The following CARD14 variants were observed in gnomAD, a reference collection of about 807,000 sequenced individuals.
CARD14 encodes caspase recruitment domain family member 14.
CARD14 carries 107 observed loss-of-function variants against 111.5 expected under a neutral mutation model. The observed-to-expected ratio is 0.96, with a 90% CI of 0.82 to 1.13. The LOEUF (loss-of-function observed/expected upper bound fraction) is 1.13, where lower values mean the gene tolerates loss of function less well. Among genes scored for constraint, CARD14 ranks in the 50% most tolerant of loss-of-function variants. CARD14 has a pLI of 0.00. For synonymous variants in CARD14, 617 were observed against 579.6 expected (o/e 1.06, Z -0.93); for missense variants, 1,322 against 1,362.3 (o/e 0.97, Z 0.47).
chr17:80,205,044 C>T lies in CARD14; in HGVS notation c.2408C>T (p.Thr803Met), dbSNP rs748305221. The change falls in exon 21 of 24, where the codon ACG (threonine) becomes ATG (methionine). Residue 803 changes from threonine (T) to methionine (M), a missense_variant. Transcript: ENST00000648509. ...ATCCTCTCCTCCACAGGCTCCAGCA[C>T]GTGCTTCTGGGCCGAGAGCTGCCTC... ...LDPSRMEGSS[T>M]CFWAESCLTL... The T allele has an allele frequency of 9.4e-6, 15 of 1,596,436 alleles. No individual in the cohort carries two copies. Among genetic ancestry groups the T allele is most frequent in the East Asian group, 2.2e-5 (1 of 44,448 alleles).
chr17:80,195,471 C>G lies in CARD14; in HGVS notation c.1500-87C>G. On this transcript the variant is annotated intron_variant, in intron 13 of 23. Coordinates refer to ENST00000648509, the MANE Select transcript of CARD14 (RefSeq NM_001366385.1). The surrounding 1 kb of genome is among the most constrained non-coding windows in gnomAD (Gnocchi z 4.7). ...CCTGCCCTCGAAGCCCCAGAGCTGGCAGGTGCTGGGGGCCAGTGCTTGGGG... is the reference window on the plus strand; with the variant it reads ...CCTGCCCTCGAAGCCCCAGAGCTGGGAGGTGCTGGGGGCCAGTGCTTGGGG... 1.3e-6 allele frequency: 2 copies of G among 1,506,334 alleles called. No individual in the cohort carries two copies. Among genetic ancestry groups the G allele is most frequent in the Non-Finnish European group, 1.8e-6 (2 of 1,117,184 alleles). The allele number at this position is 1,506,334 out of a possible 1,614,324, so 93.3% of individuals were successfully genotyped here.
At position 80,182,470 on chromosome 17, in the gene CARD14, C is replaced by A. The variant is rs147941493; in HGVS notation, c.212-183C>A. On this transcript the variant is annotated intron_variant, in intron 5 of 23. Coordinates refer to ENST00000648509, the MANE Select transcript of CARD14 (RefSeq NM_001366385.1). This position sits in a 1 kb window ranked among gnomAD's most constrained non-coding sequence, Gnocchi z 4.7. Reference sequence around the variant, plus strand: ...ACTGAGGTCATGGGGGTAAAGGGAGCCTGTGAGAGCAGTGAGGGCGCGTCC... The same window carrying A: ...ACTGAGGTCATGGGGGTAAAGGGAGACTGTGAGAGCAGTGAGGGCGCGTCC... Among the ~76,000 whole-genome samples, 947 of 152,282 alleles carry A rather than the reference C, an allele frequency of 6.2e-3. 6 individuals are homozygous for A. The highest frequency in any genetic ancestry group is 0.019 in the African/African-American group (791 of 41,564).
Position 80,195,710 on chromosome 17 carries a change from G to A in CARD14, c.1594+58G>A. The A allele has an allele frequency of 7.0e-7, 1 of 1,427,384 alleles. No individual in the cohort carries two copies. The highest frequency in any genetic ancestry group is 9.7e-7 in the Non-Finnish European group (1 of 1,035,526). 88.4% of individuals were successfully genotyped at this position (1,427,384 alleles called of 1,614,324 possible). On this transcript the variant is annotated intron_variant, in intron 14 of 23. Transcript: ENST00000648509. This position sits in a 1 kb window ranked among gnomAD's most constrained non-coding sequence, Gnocchi z 4.7. ...GTCCACCTCCCCTGGGCAGAGCAGGGAGCTGATGAGAAAGCCGGGGCCTCT... is the reference window on the plus strand; with the variant it reads ...GTCCACCTCCCCTGGGCAGAGCAGGAAGCTGATGAGAAAGCCGGGGCCTCT...
rs564427787 is a variant in CARD14, at chr17:80,195,265, G to A, written c.1431G>A (p.Ala477=). The part of the protein sequence containing the change: ...LVDSFRSSSP[A]PPSQQSLYKR... The stretch of plus-strand genomic sequence containing the variant: ...ACAGCTTCCGCTCCAGCAGCCCCGC[G>A]CCCCCCAGCCAGCAGTCCCTGTACA... Residue 477 remains alanine, a synonymous_variant, in exon 13 of 24, where the codon GCG becomes GCA. Transcript: ENST00000648509. The surrounding 1 kb of genome is among the most constrained non-coding windows in gnomAD (Gnocchi z 4.7). 2.4e-5 allele frequency: 39 copies of A among 1,612,146 alleles called. No homozygotes were observed. The Middle Eastern group carries it at 5.0e-4, about 21-fold the overall frequency.
At chr17:80,205,377 C>T (rs546033294) in intron 21 of CARD14, 154 bp from the exon 22 acceptor site, 20 of 1,189,440 alleles carry the variant, frequency 1.7e-5, no homozygotes, top group South Asian at 4.5e-5. Flanking sequence ...GGGCACAGAG[C>T]GGGGTGTGCA....
chr17:80,179,382 A>G (rs781669038), intron 4 of CARD14, 81 bp downstream of exon 4: 3 of 152,242 alleles, frequency 2.0e-5, no homozygotes, highest in Non-Finnish European at 4.4e-5. Context: ...TGCATGTATC[A>G]GTATGAGAAA....
Position 80,204,264 on chromosome 17 carries a change from T to C in CARD14, c.2321T>C (p.Val774Ala). Residue 774 changes from valine (V) to alanine (A), a missense_variant, in exon 20 of 24, where the codon GTC (valine) becomes GCC (alanine). Val to Ala is a moderately conservative substitution (Grantham distance 64). Coordinates refer to ENST00000648509, the MANE Select transcript of CARD14 (RefSeq NM_001366385.1). ...SGGPQKLVRI[V>A]SMDKAKASPL... ...GGACCACAGAAGCTGGTCCGCATCGTCAGTATGGACAAAGCCAAGGCCAGC... is the reference window on the plus strand; with the variant it reads ...GGACCACAGAAGCTGGTCCGCATCGCCAGTATGGACAAAGCCAAGGCCAGC... 1 of 1,599,106 alleles carries C rather than the reference T, an allele frequency of 6.3e-7. No homozygotes were observed. Among genetic ancestry groups the C allele is most frequent in the Non-Finnish European group, 8.6e-7 (1 of 1,168,506 alleles).
At chr17:80,179,970 A>G (rs2040118276) in intron 4 of CARD14, among the ~76,000 whole-genome samples, 1 of 152,226 alleles carries the variant, frequency 6.6e-6, no homozygotes, top group South Asian at 2.1e-4. Flanking sequence ...AGATGGTTGA[A>G]TCCGCATGGT....
At position 80,195,375 on chromosome 17, in the gene CARD14, G is replaced by A. The variant is rs1363993888; in HGVS notation, c.1499+42G>A. 1.3e-6 allele frequency: 2 copies of A among 1,580,550 alleles called. No homozygotes were observed. Among genetic ancestry groups the A allele is most frequent in the Non-Finnish European group, 1.7e-6 (2 of 1,159,132 alleles). Reference sequence around the variant, plus strand: ...CTTCCTGGCACTGGGGTGGCACTGGGGTCCTTCCTGGCAACTCACCAGAGA... The same window carrying A: ...CTTCCTGGCACTGGGGTGGCACTGGAGTCCTTCCTGGCAACTCACCAGAGA... On this transcript the variant is annotated intron_variant, in intron 13 of 23. Coordinates refer to ENST00000648509, the MANE Select transcript of CARD14 (RefSeq NM_001366385.1). The surrounding 1 kb of genome is among the most constrained non-coding windows in gnomAD (Gnocchi z 4.7).
rs370106410 is a variant in CARD14, at chr17:80,208,188, C to A, written c.2858C>A (p.Ala953Glu). 2 of 1,551,414 alleles carry A rather than the reference C, an allele frequency of 1.3e-6. No individual in the cohort carries two copies. The highest frequency in any genetic ancestry group is 1.7e-6 in the Non-Finnish European group (2 of 1,147,458). The change falls in exon 24 of 24, where the codon GCG (alanine) becomes GAG (glutamate). Residue 953 changes from alanine to glutamate, a missense_variant. By Grantham distance (107) the Ala-to-Glu change is moderately radical. Transcript: ENST00000648509. ...GTSEEQLLEAARQEEGDLDRA... is the reference protein window; with the variant it reads ...GTSEEQLLEAERQEEGDLDRA... Reference sequence around the variant, plus strand: ...TCAGAGGAGCAGCTCCTGGAGGCTGCGAGGCAGGAGGAGGGAGACCTGGAC... The same window carrying A: ...TCAGAGGAGCAGCTCCTGGAGGCTGAGAGGCAGGAGGAGGGAGACCTGGAC...
At chr17:80,170,476 G>A (rs1438846313) in intron 1 of CARD14, 1 of 152,250 alleles carries the variant, frequency 6.6e-6, no homozygotes, top group Non-Finnish European at 1.5e-5. Flanking sequence ...ATGGCACTGG[G>A]GGGCCGAGGT....
chr17:80,196,386 C>T (rs965161961), intron 14 of CARD14: 2 of 152,206 alleles, frequency 1.3e-5, no homozygotes, highest in African/African-American at 4.8e-5. Context: ...TCGAGAGAGA[C>T]CACCCAAGGC....
Position 80,198,620 on chromosome 17 carries a change from C to T in CARD14, c.1851+29C>T, listed in dbSNP as rs781597619. ...AGCCGTGCGAGGCCCCTCCTGTCCC[C>T]CGGGCTCCTCATGGGGACAGTGGCA... On this transcript the variant is annotated intron_variant, in intron 16 of 23. Coordinates refer to ENST00000648509, the MANE Select transcript of CARD14 (RefSeq NM_001366385.1). The surrounding 1 kb of genome is among the most constrained non-coding windows in gnomAD (Gnocchi z 7.5). 6.2e-7 allele frequency: 1 copy of T among 1,610,478 alleles called. No individual in the cohort carries two copies. The highest frequency in any genetic ancestry group is 1.3e-5 in the African/African-American group (1 of 74,952).
At chr17:80,187,260 T>TA (rs2040373666) in intron 7 of CARD14, among the ~76,000 whole-genome samples, 1 of 152,148 alleles carries the variant, frequency 6.6e-6, no homozygotes, top group Non-Finnish European at 1.5e-5. Flanking sequence ...CCACTGCCAT[T>TA]AACAGCCCCG....
rs569332433 is a variant in CARD14, at chr17:80,204,089, C to T, written c.2284-138C>T. The T allele has an allele frequency of 1.1e-5, 10 of 899,962 alleles. No individual in the cohort carries two copies. In the South Asian group the frequency reaches 1.8e-4, roughly 16 times the overall value. The allele number at this position is 899,962 out of a possible 1,614,324, so 55.7% of individuals were successfully genotyped here. The stretch of plus-strand genomic sequence containing the variant: ...GCAGGCTCTTGCACAAGTGCAGACA[C>T]ACCTCAGGCTGTTCTCAGAGCATCT... On this transcript the variant is annotated intron_variant, in intron 19 of 23. Transcript: ENST00000648509.
chr17:80,187,710 G>A (rs1046363831), intron 7 of CARD14: 3 of 977,970 alleles, frequency 3.1e-6, no homozygotes, highest in Non-Finnish European at 3.6e-6. Flanking sequence ...CTTGCCTCAC[G>A]GGGAAAGTCC....
intron 12 of CARD14, among the ~76,000 whole-genome samples, chr17:80,193,382 A>G (rs531185926): frequency 1.7e-4 from 26 of 149,162 alleles, no homozygotes; most frequent in Admixed American, 3.3e-4. Context: ...GTCCCCAGAC[A>G]TGAGTTTCCA....
intron 7 of CARD14, among the ~76,000 whole-genome samples, chr17:80,186,882 G>A (rs949789402): frequency 5.9e-5 from 9 of 152,190 alleles, no homozygotes; most frequent in African/African-American, 9.7e-5. Context: ...AGATGTGGGC[G>A]TAGGTGTGTC....
At position 80,198,394 on chromosome 17, in the gene CARD14, T is replaced by C. The variant is rs2040798157; in HGVS notation, c.1659-5T>C. On this transcript the variant is annotated splice_region_variant and splice_polypyrimidine_tract_variant and intron_variant, in intron 15 of 23. Transcript: ENST00000648509. This position sits in a 1 kb window ranked among gnomAD's most constrained non-coding sequence, Gnocchi z 7.5. ...TGCACAAGCCGGTCGTCTCCCGGCC[T>C]GCAGCGGCGTCCTCATGCGGCGGAG... 1 of 1,595,404 alleles carries C rather than the reference T, an allele frequency of 6.3e-7. No individual in the cohort carries two copies. Among genetic ancestry groups the C allele is most frequent in the African/African-American group, 1.3e-5 (1 of 74,684 alleles).
Sources: allele counts gnomAD v4.1 joint callset (sites outside exome capture counted in the v4.1 genomes callset), GRCh38; gene constraint gnomAD v4.1.1; non-coding constraint Gnocchi (gnomAD v3.1); transcripts MANE v1.5; gene names NCBI Gene and HGNC (gene_info 2026-07-23, HGNC 2026-07-21).